Variants in CNGB1 observed in about 807,000 individuals in gnomAD.
CNGB1 encodes the protein cyclic nucleotide-gated channel beta-1.
A neutral mutation model predicts 151.7 loss-of-function variants in CNGB1; 126 were observed. That is an observed-to-expected ratio of 0.83 (90% CI 0.72 to 0.96). CNGB1 has a LOEUF of 0.96. CNGB1 is among the 40% of genes least tolerant of loss of function. CNGB1 has a pLI of 0.00. For missense variants in CNGB1, 1,698 were observed against 1,627.0 expected, an observed-to-expected ratio of 1.04 and a Z score of -0.75; for synonymous variants, 623 against 635.1, an observed-to-expected ratio of 0.98 and a Z score of 0.29.
intron 29 of CNGB1, among the ~76,000 whole-genome samples, chr16:57,898,562 T>C (rs1446944538): frequency 6.6e-6 from 1 of 151,916 alleles, no homozygotes; most frequent in Non-Finnish European, 1.5e-5. Context: ...ATTACAAGCA[T>C]GTGCCACCAT....
intron 32 of CNGB1, among the ~76,000 whole-genome samples, chr16:57,885,395 G>A (rs1959887719): frequency 6.6e-6 from 1 of 152,096 alleles, no homozygotes; most frequent in Admixed American, 6.5e-5. Flanking sequence ...CCTCTCTTGG[G>A]ACATGCTTCT....
chr16:57,898,584 T>C (rs1279877643), intron 29 of CNGB1, among the ~76,000 whole-genome samples: 1 of 152,036 alleles, frequency 6.6e-6, no homozygotes, highest in Non-Finnish European at 1.5e-5. Flanking sequence ...CCCGGCAAAT[T>C]TTTGTATTTT....
intron 23 of CNGB1, among the ~76,000 whole-genome samples, chr16:57,914,915 G>A (rs148692142): frequency 2.4e-3 from 317 of 134,848 alleles, no homozygotes; most frequent in Non-Finnish European, 3.9e-3. Context: ...CACTGAGAGC[G>A]TAAACAGTGG....
intron 31 of CNGB1, among the ~76,000 whole-genome samples, chr16:57,896,222 G>A (rs1960220872): frequency 6.6e-6 from 1 of 152,168 alleles, no homozygotes; most frequent in South Asian, 2.1e-4. Context: ...GGGAAAATAG[G>A]TTTACAATAC....
intron 10 of CNGB1, 134 bp from the exon 11 acceptor site, chr16:57,958,619 C>T: frequency 1.4e-6 from 1 of 738,018 alleles, no homozygotes; most frequent in South Asian, 1.6e-5. Flanking sequence ...GAGCCCAGGT[C>T]TCCAGCCCTG....
At chr16:57,932,400 C>CTTTTTTT (rs36048770) in intron 16 of CNGB1, among the ~76,000 whole-genome samples, 2 of 124,504 alleles carry the variant, frequency 1.6e-5, no homozygotes, top group Non-Finnish European at 3.3e-5. Flanking sequence ...CTTAAAGATT[C>CTTTTTTT]TTTTTTTTTT....
At chr16:57,934,569 G>A (rs1161907872) in intron 16 of CNGB1, among the ~76,000 whole-genome samples, 2 of 152,184 alleles carry the variant, frequency 1.3e-5, no homozygotes, top group Non-Finnish European at 2.9e-5. Context: ...GTGTCCCCGG[G>A]AACATTTTCC....
At chr16:57,887,821 A>G (rs1157634358) in intron 32 of CNGB1, 34 bp downstream of exon 32, 3 of 1,606,574 alleles carry the variant, frequency 1.9e-6, no homozygotes, top group Non-Finnish European at 2.6e-6. Context: ...ACATATTGAA[A>G]TGAACGTGGT....
At chr16:57,896,088 G>A (rs911968368) in intron 31 of CNGB1, among the ~76,000 whole-genome samples, 1 of 152,170 alleles carries the variant, frequency 6.6e-6, no homozygotes, top group Non-Finnish European at 1.5e-5. Context: ...CAATCTCTTT[G>A]TAACTATCAT....
intron 31 of CNGB1, among the ~76,000 whole-genome samples, chr16:57,888,297 T>C (rs2149351990): frequency 6.6e-6 from 1 of 152,316 alleles, no homozygotes; most frequent in East Asian, 1.9e-4. Flanking sequence ...CTGTCTGTTG[T>C]ACCTTAGAGA....
At chr16:57,956,746 C>G (rs568631647) in intron 12 of CNGB1, among the ~76,000 whole-genome samples, 1 of 152,304 alleles carries the variant, frequency 6.6e-6, no homozygotes, top group Admixed American at 6.5e-5. Context: ...TGAATGAATG[C>G]CTGTCCACCG....
In CNGB1 at chr16:57,959,947, C is replaced by A. The variant is rs2149386497; in HGVS notation, c.702G>T (p.Glu234Asp). ...KEEPKEAPAP[E>D]PQPGSQAQTS... ...TCTGGGCCTGGGAGCCGGGCTGGGG[C>A]TCTGGAGCTGGTGCCTCCTTGGGTT... The change falls in exon 10 of 33, where the codon GAG becomes GAT. Residue 234 changes from glutamate to aspartate, a missense_variant. Glu to Asp is a conservative substitution (Grantham distance 45). Coordinates refer to ENST00000251102, the MANE Select transcript of CNGB1 (RefSeq NM_001297.5). 1 of 1,588,490 alleles carries A rather than the reference C, an allele frequency of 6.3e-7. No homozygotes were observed.
intron 10 of CNGB1, among the ~76,000 whole-genome samples, 154 bp from the exon 11 acceptor site, chr16:57,958,639 C>T (rs1962152718): frequency 6.6e-6 from 1 of 152,204 alleles, no homozygotes; most frequent in South Asian, 2.1e-4. Flanking sequence ...GAAGACCATT[C>T]TCCCCCCTCT....
chr16:57,940,759 C>T (rs1377887635), intron 14 of CNGB1, among the ~76,000 whole-genome samples: 2 of 152,172 alleles, frequency 1.3e-5, no homozygotes, highest in Admixed American at 6.5e-5. Flanking sequence ...AAAGTGAGGC[C>T]CAGAGAGGTG....
intron 30 of CNGB1, 88 bp from the exon 31 acceptor site, chr16:57,897,631 T>C: frequency 1.3e-6 from 2 of 1,593,698 alleles, no homozygotes; most frequent in Non-Finnish European, 1.7e-6. Context: ...TGGAGGACAG[T>C]GGTGGCCCCA....
intron 1 of CNGB1, 25 bp from the exon 2 acceptor site, chr16:57,967,319 C>T: frequency 6.2e-7 from 1 of 1,613,554 alleles, no homozygotes; most frequent in African/African-American, 1.3e-5. Context: ...GTCCTTAGCC[C>T]TCCCTGGAGC....
At chr16:57,924,663 G>T (rs748502874) in intron 17 of CNGB1, among the ~76,000 whole-genome samples, 1 of 152,110 alleles carries the variant, frequency 6.6e-6, no homozygotes, top group Non-Finnish European at 1.5e-5. Context: ...CTCTGTGACC[G>T]CACCAAATCT....
At chr16:57,918,508 T>C (rs1411714353) in intron 20 of CNGB1, among the ~76,000 whole-genome samples, 1 of 152,214 alleles carries the variant, frequency 6.6e-6, no homozygotes, top group African/African-American at 2.4e-5. Flanking sequence ...GGAATTCACA[T>C]TCCTGCTCTT....
intron 16 of CNGB1, among the ~76,000 whole-genome samples, chr16:57,937,535 C>A (rs752792179): frequency 6.6e-6 from 1 of 152,178 alleles, no homozygotes; most frequent in East Asian, 1.9e-4. Context: ...GGCTGGCCCA[C>A]CCAGGAGCAC....
Sources: allele counts gnomAD v4.1 joint callset (sites outside exome capture counted in the v4.1 genomes callset), GRCh38; gene constraint gnomAD v4.1.1; transcripts MANE v1.5; gene names NCBI Gene and HGNC (gene_info 2026-07-23, HGNC 2026-07-21).